Variants in CTNNA3 observed in about 807,000 individuals in gnomAD.
The protein encoded by CTNNA3 is catenin alpha 3.
Under a neutral mutation model 95.7 loss-of-function variants are expected in CTNNA3, and 76 were observed. That is an observed-to-expected ratio of 0.79 (90% CI 0.66 to 0.96). The LOEUF (loss-of-function observed/expected upper bound fraction) is 0.96, where lower values mean the gene tolerates loss of function less well. CTNNA3 is among the 40% of genes least tolerant of loss of function. The pLI, the probability that CTNNA3 is intolerant of heterozygous loss-of-function variation, is 0.00. For missense variants in CTNNA3, 1,191 were observed against 1,089.8 expected, an observed-to-expected ratio of 1.09 and a Z score of -1.31; for synonymous variants, 431 against 374.4, an observed-to-expected ratio of 1.15 and a Z score of -1.74.
intron 17 of CTNNA3, among the ~76,000 whole-genome samples, chr10:65,939,656 C>G (rs1426689291): frequency 1.3e-5 from 2 of 152,094 alleles, no homozygotes; most frequent in Non-Finnish European, 2.9e-5. Flanking sequence ...CTATCACTAG[C>G]CTCTCTTTGG....
intron 1 of CTNNA3, among the ~76,000 whole-genome samples, chr10:67,676,816 G>A (rs981362105): frequency 7.9e-5 from 12 of 152,176 alleles, no homozygotes; most frequent in African/African-American, 2.2e-4. Flanking sequence ...TGCCTTCAAC[G>A]TTTTAATTTA....
chr10:65,931,052 T>C (rs770870027), intron 17 of CTNNA3, among the ~76,000 whole-genome samples: 8 of 152,218 alleles, frequency 5.3e-5, no homozygotes, highest in Non-Finnish European at 1.2e-4. Context: ...TGTTGAAAAT[T>C]TCCTTCATGA....
In CTNNA3 at chr10:66,130,115, C is replaced by T. The variant is rs190434256; in HGVS notation, c.1885-26866G>A. Among the ~76,000 whole-genome samples, 15 of 152,286 alleles carry T rather than the reference C, an allele frequency of 9.8e-5. No individual in the cohort carries two copies. The East Asian group carries it at 2.3e-3, about 24-fold the overall frequency. On this transcript the variant is annotated intron_variant, in intron 13 of 17. Transcript: ENST00000433211. ...ACAGTGACCTGCCCCCAGCCCTGAG[C>T]GGCCACCATGCCAGCATGAACACAT...
chr10:66,695,496 A>C (rs1053930156), intron 9 of CTNNA3, among the ~76,000 whole-genome samples: 2 of 152,208 alleles, frequency 1.3e-5, no homozygotes, highest in Admixed American at 6.6e-5. Flanking sequence ...TGTAATATTC[A>C]CATTGCTAGC....
chr10:66,521,827 G>T (rs997363144), intron 10 of CTNNA3, among the ~76,000 whole-genome samples: 1 of 152,074 alleles, frequency 6.6e-6, no homozygotes, highest in Admixed American at 6.6e-5. Flanking sequence ...AATTGTACTT[G>T]TAAAGCCGTG....
chr10:66,061,907 T>C (rs547501522), intron 15 of CTNNA3, among the ~76,000 whole-genome samples: 1 of 152,330 alleles, frequency 6.6e-6, no homozygotes, highest in Admixed American at 6.5e-5. Flanking sequence ...ATTATTGTTA[T>C]CTCTGATGTG....
chr10:66,441,795 T>C (rs2093377069), intron 11 of CTNNA3, among the ~76,000 whole-genome samples: 1 of 152,202 alleles, frequency 6.6e-6, no homozygotes, highest in Non-Finnish European at 1.5e-5. Flanking sequence ...ATCTAATGTA[T>C]ACAAAGAGTA....
intron 5 of CTNNA3, among the ~76,000 whole-genome samples, chr10:67,431,928 G>A (rs1041031180): frequency 6.6e-6 from 1 of 151,838 alleles, no homozygotes; most frequent in Non-Finnish European, 1.5e-5. Context: ...TTCCAGTTAT[G>A]GCACCACTAC....
chr10:67,658,177 G>A (rs967821266), intron 1 of CTNNA3, among the ~76,000 whole-genome samples: 2 of 152,132 alleles, frequency 1.3e-5, no homozygotes, highest in Non-Finnish European at 2.9e-5. Flanking sequence ...TTCCCTGCTC[G>A]CTGGTGACTT....
At chr10:67,574,383 T>C (rs1842075007) in intron 3 of CTNNA3, among the ~76,000 whole-genome samples, 1 of 152,116 alleles carries the variant, frequency 6.6e-6, no homozygotes, top group South Asian at 2.1e-4. Context: ...TTTGATAATT[T>C]GAATTATTTT....
At chr10:67,216,347 T>G (rs1864360076) in intron 6 of CTNNA3, among the ~76,000 whole-genome samples, 1 of 152,160 alleles carries the variant, frequency 6.6e-6, no homozygotes, top group African/African-American at 2.4e-5. Flanking sequence ...GTGTATCACT[T>G]ACATGTGCTT....
intron 4 of CTNNA3, among the ~76,000 whole-genome samples, chr10:67,537,235 A>G (rs1840513499): frequency 6.6e-6 from 1 of 152,146 alleles, no homozygotes; most frequent in Non-Finnish European, 1.5e-5. Context: ...AAACTTTTAA[A>G]AGCTGTTTGT....
At chr10:67,610,083 CAAAG>C (rs1843409558) in intron 2 of CTNNA3, among the ~76,000 whole-genome samples, 1 of 152,122 alleles carries the variant, frequency 6.6e-6, no homozygotes, top group African/African-American at 2.4e-5. Context: ...TTGTTTAAAA[CAAAG>C]AATAAGTATC....
intron 13 of CTNNA3, among the ~76,000 whole-genome samples, chr10:66,163,092 T>C (rs1004452269): frequency 1.3e-5 from 2 of 152,086 alleles, no homozygotes; most frequent in African/African-American, 4.8e-5. Flanking sequence ...TGTTTCCAGG[T>C]GAAGGGCGAG....
chr10:66,554,414 C>T (rs1255269927), intron 10 of CTNNA3, among the ~76,000 whole-genome samples: 1 of 147,826 alleles, frequency 6.8e-6, no homozygotes, highest in Non-Finnish European at 1.5e-5. Context: ...AAATCTTAGT[C>T]ATAATTTTTA....
At chr10:66,502,567 G>A (rs1840313332) in intron 11 of CTNNA3, among the ~76,000 whole-genome samples, 2 of 151,968 alleles carry the variant, frequency 1.3e-5, no homozygotes, top group South Asian at 4.2e-4. Context: ...TCACTGTTAT[G>A]TATTTGATAC....
intron 5 of CTNNA3, among the ~76,000 whole-genome samples, chr10:67,256,816 A>G (rs564715681): frequency 6.6e-6 from 1 of 152,318 alleles, no homozygotes; most frequent in South Asian, 2.1e-4. Flanking sequence ...GAAAACTGCA[A>G]AAACTTCAGT....
intron 13 of CTNNA3, among the ~76,000 whole-genome samples, chr10:66,110,890 C>T (rs2082098120): frequency 6.6e-6 from 1 of 152,130 alleles, no homozygotes; most frequent in Admixed American, 6.6e-5. Flanking sequence ...TATGGTATAA[C>T]CCATTGCTCC....
Position 67,077,919 on chromosome 10 carries a change from G to A in CTNNA3, c.1047+102398C>T, listed in dbSNP as rs187548731. 2.6e-5 allele frequency among the ~76,000 whole-genome samples: 4 copies of A among 152,122 alleles called. No individual in the cohort carries two copies. The South Asian group carries it at 8.3e-4, about 32-fold the overall frequency. On this transcript the variant is annotated intron_variant, in intron 7 of 17. Transcript: ENST00000433211. Reference sequence around the variant, plus strand: ...CTAGATTAACAGAGGAGGAAGGGAAGGGGACAGAGAGAGAATATAAGTGAT... The same window carrying A: ...CTAGATTAACAGAGGAGGAAGGGAAAGGGACAGAGAGAGAATATAAGTGAT...
Sources: allele counts gnomAD v4.1 joint callset (sites outside exome capture counted in the v4.1 genomes callset), GRCh38; gene constraint gnomAD v4.1.1; transcripts MANE v1.5; gene names NCBI Gene and HGNC (gene_info 2026-07-23, HGNC 2026-07-21).